The following ATXN7L1 variants were observed in gnomAD, a reference collection of about 807,000 sequenced individuals.
ATXN7L1 encodes ataxin 7 like 1.
ATXN7L1 carries 15 observed loss-of-function variants against 70.8 expected under a neutral mutation model. The observed-to-expected ratio is 0.21, with a 90% CI of 0.14 to 0.33. ATXN7L1 has a LOEUF of 0.33. Among genes scored for constraint, ATXN7L1 ranks in the 10% least tolerant of loss-of-function variants. The pLI is 1.00. For synonymous variants in ATXN7L1, 440 were observed against 445.1 expected (o/e 0.99, Z 0.14); for missense variants, 975 against 1,097.1 (o/e 0.89, Z 1.57).
At chr7:105,631,721 C>T (rs1307239306) in intron 7 of ATXN7L1, among the ~76,000 whole-genome samples, 1 of 152,204 alleles carries the variant, frequency 6.6e-6, no homozygotes, top group Admixed American at 6.5e-5. Context: ...CCTCCCTGGG[C>T]CTTCCAAAGT....
intron 2 of ATXN7L1, among the ~76,000 whole-genome samples, chr7:105,839,709 T>G (rs145444385): frequency 2.6e-5 from 4 of 152,258 alleles, no homozygotes; most frequent in African/African-American, 9.6e-5. Context: ...GTATCTACTT[T>G]GTTGCACTCA....
intron 2 of ATXN7L1, among the ~76,000 whole-genome samples, chr7:105,807,633 T>C (rs1055328727): frequency 3.9e-5 from 6 of 152,248 alleles, no homozygotes; most frequent in African/African-American, 1.2e-4. Flanking sequence ...AAAATACTTA[T>C]GCACTGGGTT....
chr7:105,769,835 C>T (rs1408240410), intron 3 of ATXN7L1, among the ~76,000 whole-genome samples: 2 of 152,174 alleles, frequency 1.3e-5, no homozygotes, highest in African/African-American at 4.8e-5. Flanking sequence ...CATCTTTTCA[C>T]CATCAGGAAT....
intron 2 of ATXN7L1, chr7:105,819,469 C>A: frequency 1.4e-6 from 1 of 723,156 alleles, no homozygotes; most frequent in South Asian, 1.5e-5. Context: ...AAAAGAGTGT[C>A]CTTTCCCAGG....
At chr7:105,672,521 TA>T (rs1299324967) in intron 3 of ATXN7L1, among the ~76,000 whole-genome samples, 1 of 152,230 alleles carries the variant, frequency 6.6e-6, no homozygotes, top group African/African-American at 2.4e-5. Context: ...ATTTGTCTTT[TA>T]AAAAACTGAT....
chr7:105,817,930 A>G (rs1358013161), intron 2 of ATXN7L1, among the ~76,000 whole-genome samples: 2 of 152,214 alleles, frequency 1.3e-5, no homozygotes, highest in Non-Finnish European at 2.9e-5. Context: ...GTTTCAATAA[A>G]TAAATGTTGA....
At chr7:105,832,597 A>T (rs927868052) in intron 2 of ATXN7L1, among the ~76,000 whole-genome samples, 8 of 152,054 alleles carry the variant, frequency 5.3e-5, no homozygotes, top group African/African-American at 1.4e-4. Context: ...TGCACCAACA[A>T]CTTGGAGTAG....
chr7:105,811,341 A>C (rs921720822), intron 2 of ATXN7L1, among the ~76,000 whole-genome samples: 4 of 152,222 alleles, frequency 2.6e-5, no homozygotes, highest in African/African-American at 9.6e-5. Flanking sequence ...AGCATGCAAC[A>C]GATTCTGCCC....
At chr7:105,672,114 G>A (rs370444812) in intron 3 of ATXN7L1, among the ~76,000 whole-genome samples, 61 of 151,868 alleles carry the variant, frequency 4.0e-4, no homozygotes, top group African/African-American at 1.4e-3. Flanking sequence ...GGTAAAACCC[G>A]GTCTCTACTA....
At chr7:105,873,446 T>C (rs1818574189) in intron 2 of ATXN7L1, among the ~76,000 whole-genome samples, 1 of 152,198 alleles carries the variant, frequency 6.6e-6, no homozygotes, top group Non-Finnish European at 1.5e-5. Context: ...AGAGGGCCCA[T>C]GGCAAGCATT....
At chr7:105,868,115 CTGCCCAGCTCTACACATGGGTAACT>C (rs1485330047) in intron 2 of ATXN7L1, among the ~76,000 whole-genome samples, 2 of 151,900 alleles carry the variant, frequency 1.3e-5, no homozygotes, top group Admixed American at 1.3e-4. Context: ...TAACTCTGTC[CTGCCCAGCTCTACACATGGGTAACT>C]TCCTGTATCC....
intron 2 of ATXN7L1, among the ~76,000 whole-genome samples, chr7:105,825,670 T>C (rs1810772143): frequency 6.6e-6 from 1 of 151,650 alleles, no homozygotes; most frequent in Non-Finnish European, 1.5e-5. Context: ...AAGTGAACAG[T>C]ATAGATGCCT....
At chr7:105,635,329 G>A (rs1797197678) in intron 7 of ATXN7L1, among the ~76,000 whole-genome samples, 2 of 152,224 alleles carry the variant, frequency 1.3e-5, no homozygotes. Flanking sequence ...GAACATATGA[G>A]TGTGTTATTC....
chr7:105,661,765 G>C lies in ATXN7L1; in HGVS notation c.578+3301C>G, dbSNP rs148064916. Among the ~76,000 whole-genome samples the C allele has an allele frequency of 2.9e-3, 439 of 152,298 alleles. 6 individuals carry two copies. Among genetic ancestry groups the C allele is most frequent in the Admixed American group, 2.9e-3 (44 of 15,300 alleles). The stretch of plus-strand genomic sequence containing the variant: ...GGACGTGTTGGGTAAATGGATGACA[G>C]CCAGGCAGATGGGAGGTGAGGACAG... On this transcript the variant is annotated intron_variant, in intron 4 of 11. Coordinates refer to ENST00000419735, the MANE Select transcript of ATXN7L1 (RefSeq NM_020725.2).
intron 4 of ATXN7L1, among the ~76,000 whole-genome samples, chr7:105,656,676 T>C (rs968089115): frequency 4.6e-5 from 7 of 150,576 alleles, no homozygotes; most frequent in Non-Finnish European, 7.4e-5. Context: ...ATTCAAGCGA[T>C]TGTCTTGCCT....
At chr7:105,772,092 G>C (rs1302364450) in intron 3 of ATXN7L1, among the ~76,000 whole-genome samples, 236 of 8,658 alleles carry the variant, frequency 0.027, 1 homozygote, top group African/African-American at 0.089. Context: ...TTTTTTTTTT[G>C]AGACAGAGTC....
intron 5 of ATXN7L1, 143 bp from the exon 6 acceptor site, chr7:105,639,712 T>C (rs1365121638): frequency 1.5e-6 from 1 of 666,814 alleles, no homozygotes; most frequent in Non-Finnish European, 2.5e-6. Context: ...TTTTTGTGTT[T>C]TGTTTTCTCA....
chr7:105,692,335 G>A (rs1015268755), intron 3 of ATXN7L1, among the ~76,000 whole-genome samples: 8 of 151,492 alleles, frequency 5.3e-5, no homozygotes, highest in African/African-American at 1.2e-4. Flanking sequence ...AAATCCCATA[G>A]GAGAAGAAAG....
chr7:105,679,207 T>C (rs1805207014), intron 3 of ATXN7L1: 5 of 931,086 alleles, frequency 5.4e-6, no homozygotes, highest in Non-Finnish European at 5.1e-6. Context: ...CCAGACGAGA[T>C]TAGGGAAAGG....
Sources: gnomAD v4.1 joint callset for allele counts (sites outside exome capture counted in the v4.1 genomes callset) on GRCh38, gnomAD v4.1.1 for gene constraint, MANE v1.5 for transcripts, NCBI Gene and HGNC (gene_info 2026-07-23, HGNC 2026-07-21) for gene names.